CXXC5: variants seen among roughly 807,000 people sequenced by gnomAD.
CXXC5 encodes the protein CXXC finger protein 5, also known as CXXC-type zinc finger protein 5.
Under a neutral mutation model 17.6 loss-of-function variants are expected in CXXC5, and 2 were observed. That is an observed-to-expected ratio of 0.11 (90% CI 0.05 to 0.36). The LOEUF is 0.36. CXXC5 is among the 10% of genes least tolerant of loss of function. CXXC5 has a pLI of 1.00. For missense variants in CXXC5, 343 were observed against 458.3 expected, an observed-to-expected ratio of 0.75 and a Z score of 2.30; for synonymous variants, 171 against 193.0, an observed-to-expected ratio of 0.89 and a Z score of 0.94.
chr5:139,655,444 C>T (rs1303356751), intron 1 of CXXC5, among the ~76,000 whole-genome samples: 1 of 150,498 alleles, frequency 6.6e-6, no homozygotes, highest in African/African-American at 2.5e-5. Context: ...CCCCCCGCCG[C>T]CCCCCTGGGC....
chr5:139,681,280 A>C lies in CXXC5; in HGVS notation c.757A>C (p.Ile253Leu), dbSNP rs1248430449. The C allele has an allele frequency of 6.8e-6, 11 of 1,612,740 alleles. No individual in the cohort carries two copies. Among genetic ancestry groups the C allele is most frequent in the Non-Finnish European group, 7.6e-6 (9 of 1,179,914 alleles). Residue 253 changes from isoleucine to leucine, a missense_variant, in exon 2 of 3, where the codon ATC (isoleucine) becomes CTC (leucine). Physicochemically the swap from Ile to Leu is conservative, Grantham distance 5 (BLOSUM62 2). Transcript: ENST00000302517. ...YPMQGELASA[I>L]SSGKKKRKRC... is the part of the protein sequence containing the mutation. ...CATGCAGGGAGAGCTGGCCTCTGCCATCAGCTCCGGCAAGAAGAAGCGGAA... is the reference window on the plus strand; with the variant it reads ...CATGCAGGGAGAGCTGGCCTCTGCCCTCAGCTCCGGCAAGAAGAAGCGGAA...
At chr5:139,665,000 C>G (rs758879986) in intron 1 of CXXC5, among the ~76,000 whole-genome samples, 5 of 152,230 alleles carry the variant, frequency 3.3e-5, no homozygotes, top group African/African-American at 9.6e-5. Flanking sequence ...GCCCTTCCCC[C>G]CAGACTATCC....
At chr5:139,662,348 C>G (rs550109049) in intron 1 of CXXC5, among the ~76,000 whole-genome samples, 54 of 152,216 alleles carry the variant, frequency 3.5e-4, no homozygotes, top group African/African-American at 1.0e-3. Context: ...CCTCAGGGAG[C>G]CTTTTTAAGC....
At position 139,683,469 on chromosome 5, in the gene CXXC5, CG is replaced by C. The variant is rs1382947288; in HGVS notation, c.*563del. ...GTAGAAGCCGCTCTGTATCCATCCA[CG>C]CGTGCAGAGCTGCCAGCAGGGAGCT... is the stretch of plus-strand genomic sequence containing the variant. On this transcript the variant is annotated 3_prime_UTR_variant, in exon 3 of 3. Coordinates refer to ENST00000302517, the MANE Select transcript of CXXC5 (RefSeq NM_016463.9). The C allele has an allele frequency of 6.6e-6, 1 of 152,358 alleles. No individual in the cohort carries two copies. Among genetic ancestry groups the C allele is most frequent in the African/African-American group, 2.4e-5 (1 of 41,428 alleles). The allele number at this position is 152,358 out of a possible 1,614,324, so 9.4% of individuals were successfully genotyped here. A position where few individuals can be genotyped will look rare whatever the true frequency, so the allele number is the denominator to read the frequency against.
intron 1 of CXXC5, among the ~76,000 whole-genome samples, chr5:139,652,970 T>C (rs955492700): frequency 2.6e-5 from 4 of 152,222 alleles, no homozygotes; most frequent in African/African-American, 9.7e-5. Context: ...TCTCTCTGTC[T>C]GTGGTGGCGG....
Position 139,681,551 on chromosome 5 carries a change from G to A in CXXC5, c.924+104G>A. On this transcript the variant is annotated intron_variant, in intron 2 of 2. Transcript: ENST00000302517. ...ACTTTTCCTACCTGGGCAAGTGTCT[G>A]GGGGATGCCCCCTCCCAGTCCTTGG... 7 of 1,382,270 alleles carry A rather than the reference G, an allele frequency of 5.1e-6. No individual in the cohort carries two copies. In the South Asian group the frequency reaches 1.0e-4, roughly 20 times the overall value. The allele number at this position is 1,382,270 out of a possible 1,614,324, so 85.6% of individuals were successfully genotyped here.
chr5:139,650,229 A>T (rs917709225), intron 1 of CXXC5, among the ~76,000 whole-genome samples: 1 of 151,964 alleles, frequency 6.6e-6, no homozygotes, highest in Admixed American at 6.5e-5. Context: ...CGGGGGTCTG[A>T]AGGTTTGGCA....
chr5:139,671,525 G>T (rs1168859521), intron 1 of CXXC5, among the ~76,000 whole-genome samples: 1 of 152,254 alleles, frequency 6.6e-6, no homozygotes, highest in Non-Finnish European at 1.5e-5. Context: ...GGTTGGGGCA[G>T]GCACAAAGAG....
intron 1 of CXXC5, among the ~76,000 whole-genome samples, chr5:139,669,433 G>T (rs1756323027): frequency 6.6e-6 from 1 of 151,974 alleles, no homozygotes; most frequent in Non-Finnish European, 1.5e-5. Context: ...GGGAGAGAGG[G>T]TAGGTCAGGA....
intron 1 of CXXC5, among the ~76,000 whole-genome samples, chr5:139,679,030 G>A (rs781146390): frequency 2.6e-5 from 4 of 152,312 alleles, no homozygotes; most frequent in Non-Finnish European, 5.9e-5. Context: ...GCCCTGCCCC[G>A]GGATGGGCTG....
In CXXC5 at chr5:139,661,656, C is replaced by T. The variant is rs1217700657; in HGVS notation, c.-161+12811C>T. 6.6e-6 allele frequency among the ~76,000 whole-genome samples: 1 copy of T among 152,316 alleles called. No individual in the cohort carries two copies. The highest frequency in any genetic ancestry group is 2.1e-4 in the South Asian group (1 of 4,824). On this transcript the variant is annotated intron_variant, in intron 1 of 2. Coordinates refer to ENST00000302517, the MANE Select transcript of CXXC5 (RefSeq NM_016463.9). The surrounding 1 kb of genome is among the most constrained non-coding windows in gnomAD (Gnocchi z 4.7). ...GATCATTCTCAGGCCATAGCTTACC[C>T]CTAGATGATGCCATAGAGTGGGCCA... is the stretch of plus-strand genomic sequence containing the variant.
intron 1 of CXXC5, chr5:139,665,741 TG>T (rs1756074975): frequency 1.3e-5 from 2 of 152,262 alleles, no homozygotes; most frequent in African/African-American, 4.8e-5. Flanking sequence ...ACTGGAGACG[TG>T]CAGCTTCCGG....
chr5:139,673,888 G>A (rs1292789347), intron 1 of CXXC5, among the ~76,000 whole-genome samples: 1 of 151,402 alleles, frequency 6.6e-6, no homozygotes, highest in Non-Finnish European at 1.5e-5. Flanking sequence ...ACATACTCCA[G>A]GTTTGCTCAA....
intron 1 of CXXC5, among the ~76,000 whole-genome samples, chr5:139,678,942 G>A (rs995127690): frequency 1.3e-5 from 2 of 152,200 alleles, no homozygotes; most frequent in Non-Finnish European, 2.9e-5. Context: ...GGAAACCGCC[G>A]CCTTGCTCCA....
intron 1 of CXXC5, among the ~76,000 whole-genome samples, chr5:139,674,652 AT>A (rs1386028378): frequency 1.3e-5 from 2 of 152,234 alleles, no homozygotes; most frequent in Non-Finnish European, 2.9e-5. Flanking sequence ...AAATCATTAA[AT>A]TATATGTATA....
Position 139,680,311 on chromosome 5 carries a change from G to C in CXXC5, c.-160-53G>C, listed in dbSNP as rs993071046. ...CGTTGATAGTGGCGGTGGTGGCGAT[G>C]TTGAAGGGGGAGGTGTTCACTGCTG... On this transcript the variant is annotated intron_variant, in intron 1 of 2. Transcript: ENST00000302517. 6.4e-6 allele frequency: 4 copies of C among 626,824 alleles called. No homozygotes were observed. In the South Asian group the frequency reaches 8.5e-5, roughly 13 times the overall value. The allele number at this position is 626,824 out of a possible 1,614,324, so 38.8% of individuals were successfully genotyped here. A position where few individuals can be genotyped will look rare whatever the true frequency, so the allele number is the denominator to read the frequency against.
intron 1 of CXXC5, among the ~76,000 whole-genome samples, chr5:139,678,885 C>T (rs912694073): frequency 2.0e-5 from 3 of 152,202 alleles, no homozygotes; most frequent in East Asian, 1.9e-4. Flanking sequence ...CATGCTAGGC[C>T]ACAGCAGGCA....
At chr5:139,665,691 C>T (rs1756071080) in intron 1 of CXXC5, 1 of 152,286 alleles carries the variant, frequency 6.6e-6, no homozygotes, top group South Asian at 2.1e-4. Context: ...AGGTGGCGGG[C>T]TCCACGCCCG....
chr5:139,673,320 G>A (rs116066457), intron 1 of CXXC5, among the ~76,000 whole-genome samples: 5,092 of 152,142 alleles, frequency 0.033, 131 homozygotes, highest in Non-Finnish European at 0.055. Context: ...TTTTCCCAAG[G>A]TCAAAAAATG....
Sources: gnomAD v4.1 joint callset for allele counts (sites outside exome capture counted in the v4.1 genomes callset) on GRCh38, gnomAD v4.1.1 for gene constraint, Gnocchi (gnomAD v3.1) non-coding constraint, MANE v1.5 for transcripts, NCBI Gene and HGNC (gene_info 2026-07-23, HGNC 2026-07-21) for gene names.